RAB33A: variants seen among roughly 807,000 people sequenced by gnomAD.
RAB33A encodes the protein ras-related protein Rab-33A.
A neutral mutation model predicts 12.0 loss-of-function variants in RAB33A; 6 were observed. That is an observed-to-expected ratio of 0.50 (90% CI 0.27 to 0.99). The LOEUF (loss-of-function observed/expected upper bound fraction) is 0.99. Ranked by LOEUF, RAB33A falls within the 50% of genes least tolerant of loss-of-function variation. The pLI, the probability that RAB33A is intolerant of heterozygous loss-of-function variation, is 0.11. For missense variants in RAB33A, 109 were observed against 192.0 expected (o/e 0.57, Z 2.55); for synonymous variants, 70 against 82.4 (o/e 0.85, Z 0.81).
upstream of RAB33A, among the ~76,000 whole-genome samples, chrX:130,171,077 G>A (rs138708629): frequency 4.1e-3 from 462 of 113,205 alleles, 11 homozygotes; most frequent in East Asian, 0.1. Flanking sequence ...GGTGTGATAA[G>A]GGGATGTTGG....
chrX:130,136,301 C>T, the RAB33A span: 1 of 877,748 alleles, frequency 1.1e-6, no homozygotes, highest in East Asian at 3.3e-5. Context: ...CATGGGTTAA[C>T]TTACCTCTGA....
chrX:130,156,738 C>A, the RAB33A span: 28 of 699,453 alleles, frequency 4.0e-5, no homozygotes, highest in African/African-American at 3.7e-4. Context: ...AGAAAAATAT[C>A]ATCAAAACTG....
the RAB33A span, among the ~76,000 whole-genome samples, chrX:130,112,720 A>G: frequency 9.1e-6 from 1 of 110,031 alleles, no homozygotes; most frequent in Non-Finnish European, 1.9e-5. Context: ...TACAAAAATT[A>G]GCCGGTGTGG....
the RAB33A span, among the ~76,000 whole-genome samples, chrX:130,127,637 A>G: frequency 9.3e-6 from 1 of 107,927 alleles, no homozygotes; most frequent in African/African-American, 3.4e-5. Context: ...CTCTGTAAGC[A>G]GCAATTACTG....
the RAB33A span, chrX:130,165,938 A>G: frequency 5.2e-6 from 2 of 384,542 alleles, no homozygotes; most frequent in Non-Finnish European, 4.6e-6. Context: ...GCTGGCCGCA[A>G]GCTCGCAAAG....
the RAB33A span, among the ~76,000 whole-genome samples, chrX:130,121,953 A>T: frequency 8.9e-6 from 1 of 112,172 alleles, no homozygotes; most frequent in Admixed American, 9.4e-5. Context: ...GATTTGGAAC[A>T]GCTTCTGCCA....
the RAB33A span, among the ~76,000 whole-genome samples, chrX:130,143,111 T>C: frequency 2.7e-5 from 3 of 111,625 alleles, no homozygotes; most frequent in African/African-American, 9.8e-5. Flanking sequence ...TTCCTAAAAA[T>C]TGGGGTTCCC....
chrX:130,152,865 G>A, the RAB33A span, among the ~76,000 whole-genome samples: 1 of 112,216 alleles, frequency 8.9e-6, no homozygotes, highest in East Asian at 2.8e-4. Flanking sequence ...TTAGTAGGCT[G>A]CAACCAGCAT....
chrX:130,130,027 T>C, the RAB33A span: 14 of 1,209,686 alleles, frequency 1.2e-5, no homozygotes, highest in Non-Finnish European at 1.6e-5. Flanking sequence ...CCACGACCAC[T>C]TTGTCCCTGA....
chrX:130,165,791 G>C, the RAB33A span: 1 of 584,491 alleles, frequency 1.7e-6, no homozygotes, highest in Non-Finnish European at 2.9e-6. Flanking sequence ...TCCCAGCTCC[G>C]GGTGGGCATT....
the RAB33A span, among the ~76,000 whole-genome samples, chrX:130,121,723 A>C: frequency 2.7e-5 from 3 of 112,394 alleles, no homozygotes; most frequent in East Asian, 8.4e-4. Context: ...CCCAGGAGGG[A>C]ATTGCATGTT....
At chrX:130,155,403 G>A in the RAB33A span, 28 of 881,265 alleles carry the variant, frequency 3.2e-5, no homozygotes, top group Middle Eastern at 8.7e-4. Flanking sequence ...TGCTAAAAAA[G>A]GAAAAAGAAA....
At chrX:130,135,640 A>G in the RAB33A span, among the ~76,000 whole-genome samples, 1 of 110,915 alleles carries the variant, frequency 9.0e-6, no homozygotes, top group African/African-American at 3.3e-5. Context: ...CTCAAGGAAA[A>G]TGAAAACAGA....
chrX:130,181,433 A>G (rs2031726248), intron 1 of RAB33A, among the ~76,000 whole-genome samples: 1 of 112,385 alleles, frequency 8.9e-6, no homozygotes, highest in African/African-American at 3.2e-5. Context: ...TGAGAATTGT[A>G]TAGGGCCTTG....
At chrX:130,135,124 C>T in the RAB33A span, among the ~76,000 whole-genome samples, 1 of 107,295 alleles carries the variant, frequency 9.3e-6, no homozygotes. Context: ...CTGTTGTTGC[C>T]CAGGCTGGAG....
chrX:130,150,421 T>C, the RAB33A span, among the ~76,000 whole-genome samples: 46,630 of 90,799 alleles, frequency 0.51, 11,628 homozygotes, highest in African/African-American at 0.79. Context: ...CTGCAAGCTC[T>C]GCCTCCCGGG....
upstream of RAB33A, among the ~76,000 whole-genome samples, chrX:130,169,183 G>C (rs1488666027): frequency 2.9e-5 from 3 of 101,906 alleles, no homozygotes; most frequent in African/African-American, 1.1e-4. Flanking sequence ...ACTCCAGCCC[G>C]GGTGACAGAG....
chrX:130,138,267 A>C, the RAB33A span, among the ~76,000 whole-genome samples: 971 of 110,683 alleles, frequency 8.8e-3, 7 homozygotes, highest in Middle Eastern at 0.023. Flanking sequence ...AGATCGAGAC[A>C]GTCCTGGCTA....
the RAB33A span, among the ~76,000 whole-genome samples, chrX:130,114,313 C>T: frequency 2.6e-4 from 29 of 111,789 alleles, no homozygotes; most frequent in Non-Finnish European, 3.2e-4. Flanking sequence ...ATGATCTGCG[C>T]GTTGCAGCCA....
Sources: gnomAD v4.1 joint callset for allele counts (sites outside exome capture counted in the v4.1 genomes callset) on GRCh38, gnomAD v4.1.1 for gene constraint, MANE v1.5 for transcripts, NCBI Gene and HGNC (gene_info 2026-07-23, HGNC 2026-07-21) for gene names.